RBFOX1: variants seen among roughly 807,000 people sequenced by gnomAD.
The protein encoded by RBFOX1 is RNA binding protein fox-1 homolog 1.
Under a neutral mutation model 57.7 loss-of-function variants are expected in RBFOX1, and 8 were observed. That is an observed-to-expected ratio of 0.14 (90% CI 0.08 to 0.25). The LOEUF (loss-of-function observed/expected upper bound fraction) is 0.25, where lower values mean the gene tolerates loss of function less well. Ranked by LOEUF, RBFOX1 falls within the 10% of genes least tolerant of loss-of-function variation. RBFOX1 has a pLI of 1.00. For missense variants in RBFOX1, 611 were observed against 548.5 expected (o/e 1.11, Z -1.14); for synonymous variants, 326 against 222.4 (o/e 1.47, Z -4.15).
chr16:6,884,891 C>T (rs34042022), intron 3 of RBFOX1, among the ~76,000 whole-genome samples: 1 of 152,142 alleles, frequency 6.6e-6, no homozygotes, highest in East Asian at 1.9e-4. Context: ...GAGCAAGGCT[C>T]TCTTTCAAAC....
At chr16:5,825,290 G>C (rs1454172980) in intron 3 of RBFOX1, among the ~76,000 whole-genome samples, 1 of 152,242 alleles carries the variant, frequency 6.6e-6, no homozygotes, top group Non-Finnish European at 1.5e-5. Flanking sequence ...CAGGTTCAGA[G>C]ATGTTCCCTG....
At chr16:7,557,658 AAAG>A (rs2089080550) in intron 5 of RBFOX1, among the ~76,000 whole-genome samples, 3 of 148,454 alleles carry the variant, frequency 2.0e-5, no homozygotes, top group Admixed American at 6.7e-5. Context: ...AGAAAAAAAA[AAAG>A]CATTTTCTTA....
chr16:7,620,864 TAAGAAA>T (rs1290288987), intron 10 of RBFOX1, among the ~76,000 whole-genome samples: 2 of 152,186 alleles, frequency 1.3e-5, no homozygotes, highest in African/African-American at 2.4e-5. Flanking sequence ...TTGGGTTTGA[TAAGAAA>T]AAGACGTGCA....
intron 4 of RBFOX1, among the ~76,000 whole-genome samples, chr16:7,387,375 G>T (rs1414890749): frequency 6.6e-6 from 1 of 152,160 alleles, no homozygotes; most frequent in Non-Finnish European, 1.5e-5. Flanking sequence ...GAGAGGATGT[G>T]GATTCTCTAA....
chr16:5,632,973 C>G (rs942922660), intron 3 of RBFOX1, among the ~76,000 whole-genome samples: 7 of 138,812 alleles, frequency 5.0e-5, no homozygotes, highest in Non-Finnish European at 7.6e-5. Context: ...GAGTCTCACT[C>G]TGTCACCTGG....
chr16:6,824,144 C>T (rs2091778955), intron 3 of RBFOX1, among the ~76,000 whole-genome samples: 1 of 152,214 alleles, frequency 6.6e-6, no homozygotes, highest in Non-Finnish European at 1.5e-5. Flanking sequence ...GTTGCTGGCG[C>T]CTGTAATCCC....
At chr16:7,167,139 T>C (rs1350066800) in intron 4 of RBFOX1, among the ~76,000 whole-genome samples, 1 of 151,194 alleles carries the variant, frequency 6.6e-6, no homozygotes, top group Non-Finnish European at 1.5e-5. Context: ...GTGCCTGTCA[T>C]CATACGTGGC....
intron 9 of RBFOX1, among the ~76,000 whole-genome samples, chr16:7,606,540 G>A (rs760682489): frequency 1.3e-5 from 2 of 152,200 alleles, no homozygotes. Flanking sequence ...TATGTAATGT[G>A]CTTTCCAATT....
chr16:7,023,564 T>TAAAAAAAACAAAAAAAAAAAAAAAA (rs2039955753), intron 3 of RBFOX1, among the ~76,000 whole-genome samples: 1 of 43,916 alleles, frequency 2.3e-5, no homozygotes. Context: ...TCGTCTGTAC[T>TAAAAAAAACAAAAAAAAAAAAAAAA]AAAAAAAAAA....
At chr16:6,738,475 G>C (rs535846292) in intron 3 of RBFOX1, among the ~76,000 whole-genome samples, 18 of 152,170 alleles carry the variant, frequency 1.2e-4, no homozygotes, top group African/African-American at 4.3e-4. Flanking sequence ...TAAAAGAGCT[G>C]TAAAATCTGT....
intron 2 of RBFOX1, among the ~76,000 whole-genome samples, chr16:6,468,647 A>C (rs1357977719): frequency 1.3e-5 from 2 of 152,206 alleles, no homozygotes; most frequent in Admixed American, 6.5e-5. Flanking sequence ...AAACAAATAA[A>C]ACCATTTTAT....
chr16:6,371,474 A>G (rs188662232), intron 2 of RBFOX1, among the ~76,000 whole-genome samples: 85 of 152,316 alleles, frequency 5.6e-4, no homozygotes, highest in African/African-American at 1.6e-3. Flanking sequence ...AAGTTGTATC[A>G]TATGTATTCA....
At chr16:5,412,868 A>C (rs1248913869) in intron 1 of RBFOX1, among the ~76,000 whole-genome samples, 1 of 152,160 alleles carries the variant, frequency 6.6e-6, no homozygotes, top group Non-Finnish European at 1.5e-5. Flanking sequence ...TGAGCAGACA[A>C]CTGTGAGCAA....
chr16:7,298,319 C>G (rs1000152417), intron 4 of RBFOX1, among the ~76,000 whole-genome samples: 1 of 129,552 alleles, frequency 7.7e-6, no homozygotes, highest in Non-Finnish European at 1.6e-5. Flanking sequence ...GATATACTCA[C>G]TCTTTTGCCC....
At chr16:6,941,356 T>A (rs1370000981) in intron 3 of RBFOX1, among the ~76,000 whole-genome samples, 1 of 138,520 alleles carries the variant, frequency 7.2e-6, no homozygotes, top group Non-Finnish European at 1.6e-5. Context: ...CCTTCCTTCC[T>A]TCTCTATGGC....
downstream of RBFOX1, among the ~76,000 whole-genome samples, chr16:5,603,202 G>C (rs1356595468): frequency 6.6e-6 from 1 of 152,192 alleles, no homozygotes; most frequent in African/African-American, 2.4e-5. Context: ...CCAGCATTCA[G>C]AATAAAATAA....
chr16:6,701,381 C>A (rs1319416282), intron 3 of RBFOX1, among the ~76,000 whole-genome samples: 3 of 152,178 alleles, frequency 2.0e-5, no homozygotes, highest in African/African-American at 7.2e-5. Flanking sequence ...CTTACTGACT[C>A]CACAAAGTGG....
At chr16:6,562,976 G>A (rs1306860223) in intron 2 of RBFOX1, among the ~76,000 whole-genome samples, 1 of 143,252 alleles carries the variant, frequency 7.0e-6, no homozygotes, top group Non-Finnish European at 1.5e-5. Flanking sequence ...GTCCTTCTGT[G>A]CAATGTACCT....
Position 6,847,977 on chromosome 16 carries a change from C to G in RBFOX1, c.-16+193327C>G, listed in dbSNP as rs765481413. Among the ~76,000 whole-genome samples the G allele has an allele frequency of 5.3e-5, 8 of 152,054 alleles. No homozygotes were observed. The South Asian group carries it at 1.2e-3, about 24-fold the overall frequency. Reference sequence around the variant, plus strand: ...CCCAAATAGCTAAGACTATAGGCACCTGCCACCATGCCCGGCTAATTTTTT... The same window carrying G: ...CCCAAATAGCTAAGACTATAGGCACGTGCCACCATGCCCGGCTAATTTTTT... On this transcript the variant is annotated intron_variant, in intron 3 of 15. Transcript: ENST00000550418.
Sources: allele counts gnomAD v4.1 joint callset (sites outside exome capture counted in the v4.1 genomes callset), GRCh38; gene constraint gnomAD v4.1.1; transcripts MANE v1.5; gene names NCBI Gene and HGNC (gene_info 2026-07-23, HGNC 2026-07-21).